Variants in RAB1A observed in about 807,000 individuals in gnomAD.
The protein encoded by RAB1A is ras-related protein Rab-1A.
In RAB1A, 2 loss-of-function variants were observed where a neutral mutation model predicts 26.0. The observed-to-expected ratio is 0.08, with a 90% CI of 0.03 to 0.24. RAB1A has a LOEUF of 0.24. RAB1A is among the 10% of genes least tolerant of loss of function. The pLI, the probability that RAB1A is intolerant of heterozygous loss-of-function variation, is 1.00. For missense variants in RAB1A, 100 were observed against 247.0 expected, an observed-to-expected ratio of 0.40 and a Z score of 3.99; for synonymous variants, 84 against 84.9, an observed-to-expected ratio of 0.99 and a Z score of 0.06.
chr2:65,089,450 A>C (rs2043233481), intron 4 of RAB1A, among the ~76,000 whole-genome samples: 1 of 152,048 alleles, frequency 6.6e-6, no homozygotes, highest in South Asian at 2.1e-4. Context: ...TCCTGAGCTC[A>C]ATCGGCCCAC....
chr2:65,116,595 G>A (rs1457564411), intron 1 of RAB1A, among the ~76,000 whole-genome samples: 1 of 152,182 alleles, frequency 6.6e-6, no homozygotes, highest in African/African-American at 2.4e-5. Flanking sequence ...AGTGGCCATT[G>A]TTATTTCTCC....
intron 1 of RAB1A, among the ~76,000 whole-genome samples, chr2:65,121,739 T>C (rs576493004): frequency 6.6e-6 from 1 of 152,258 alleles, no homozygotes; most frequent in East Asian, 1.9e-4. Flanking sequence ...CCACCTTCTA[T>C]AGGGAAACAA....
At chr2:65,120,359 G>C (rs1206076250) in intron 1 of RAB1A, among the ~76,000 whole-genome samples, 1 of 151,154 alleles carries the variant, frequency 6.6e-6, no homozygotes, top group Non-Finnish European at 1.5e-5. Flanking sequence ...CAGAGGCTGA[G>C]GCAGGAGAAT....
intron 1 of RAB1A, among the ~76,000 whole-genome samples, chr2:65,113,145 T>A (rs998303573): frequency 1.3e-5 from 2 of 152,182 alleles, no homozygotes; most frequent in African/African-American, 4.8e-5. Flanking sequence ...AATTGAACTA[T>A]ACATTCAATT....
intron 4 of RAB1A, among the ~76,000 whole-genome samples, chr2:65,089,759 A>G (rs1669126488): frequency 6.7e-6 from 1 of 148,760 alleles, no homozygotes; most frequent in Non-Finnish European, 1.5e-5. Context: ...CTGGAGTGCA[A>G]TGGCGCGATC....
At chr2:65,106,267 ATCGTTTTTG>A (rs1669556532) in intron 1 of RAB1A, 1 of 213,774 alleles carries the variant, frequency 4.7e-6, no homozygotes, top group Non-Finnish European at 9.7e-6. Context: ...GAATTTATAT[ATCGTTTTTG>A]TAGAAGATAT....
At chr2:65,104,713 G>C (rs780940918) in intron 2 of RAB1A, 21 bp downstream of exon 2, 14 of 1,507,418 alleles carry the variant, frequency 9.3e-6, no homozygotes, top group Non-Finnish European at 1.3e-5. Flanking sequence ...TAATTGTAAA[G>C]ACATTTCAAT....
At chr2:65,100,953 C>T (rs1378570449) in intron 2 of RAB1A, among the ~76,000 whole-genome samples, 1 of 151,920 alleles carries the variant, frequency 6.6e-6, no homozygotes, top group Non-Finnish European at 1.5e-5. Flanking sequence ...GGAGACCAGC[C>T]TGACCAACAT....
intron 1 of RAB1A, among the ~76,000 whole-genome samples, chr2:65,121,314 T>C (rs1558587836): frequency 6.6e-6 from 1 of 151,126 alleles, no homozygotes; most frequent in African/African-American, 2.4e-5. Flanking sequence ...TATTAAAAAG[T>C]GATGTTTCCA....
At chr2:65,098,145 T>C (rs1385624739) in intron 2 of RAB1A, 79 bp from the exon 3 acceptor site, 5 of 795,104 alleles carry the variant, frequency 6.3e-6, no homozygotes, top group African/African-American at 3.6e-5. Flanking sequence ...AAAAAAACTG[T>C]TGTTCAAGAG....
intron 1 of RAB1A, among the ~76,000 whole-genome samples, chr2:65,126,497 CA>C (rs1005366800): frequency 2.6e-5 from 4 of 151,892 alleles, no homozygotes; most frequent in African/African-American, 7.2e-5. Flanking sequence ...TTATGTAAAC[CA>C]ATATAAATCT....
intron 1 of RAB1A, among the ~76,000 whole-genome samples, chr2:65,115,671 C>CAATG (rs1669807361): frequency 6.6e-6 from 1 of 151,894 alleles, no homozygotes; most frequent in Admixed American, 6.6e-5. Flanking sequence ...TCTGAGAGGG[C>CAATG]AATGGTCTTT....
chr2:65,104,389 A>G (rs1669506195), intron 2 of RAB1A, among the ~76,000 whole-genome samples: 1 of 152,062 alleles, frequency 6.6e-6, no homozygotes, highest in Non-Finnish European at 1.5e-5. Context: ...TTATTCTACT[A>G]AAGTTTAATT....
intron 1 of RAB1A, among the ~76,000 whole-genome samples, chr2:65,112,147 A>AT (rs371108447): frequency 0.05 from 7,062 of 142,374 alleles, 178 homozygotes; most frequent in African/African-American, 0.064. Flanking sequence ...CTAGCTCATG[A>AT]TTTTTTTTTT....
In RAB1A at chr2:65,118,451, TAGAG is replaced by T. The variant is rs137999887; in HGVS notation, c.23+11438_23+11441del. ...CTCAACTCTTAATATACTCTGATGA[TAGAG>T]AAAGGCTATTTTCCTTTTTTGTTTG... On this transcript the variant is annotated intron_variant, in intron 1 of 5. Transcript: ENST00000409784. 4.7e-3 allele frequency among the ~76,000 whole-genome samples: 720 copies of T among 152,294 alleles called. 8 individuals are homozygous for T. The highest frequency in any genetic ancestry group is 0.017 in the African/African-American group (698 of 41,572).
chr2:65,099,830 T>C (rs1006780210), intron 2 of RAB1A, among the ~76,000 whole-genome samples: 2 of 152,150 alleles, frequency 1.3e-5, no homozygotes, highest in African/African-American at 2.4e-5. Flanking sequence ...TAGTAGCTAC[T>C]CTAAGGATAG....
intron 3 of RAB1A, among the ~76,000 whole-genome samples, chr2:65,096,021 C>T (rs181084212): frequency 9.8e-4 from 149 of 152,220 alleles, no homozygotes; most frequent in African/African-American, 3.4e-3. Flanking sequence ...GGTGTGGTGG[C>T]GCACGCCTGT....
chr2:65,118,554 T>G (rs1162957241), intron 1 of RAB1A, among the ~76,000 whole-genome samples: 1 of 152,188 alleles, frequency 6.6e-6, no homozygotes, highest in Non-Finnish European at 1.5e-5. Flanking sequence ...CTCGGCTCAC[T>G]GCAACCTCTG....
intron 2 of RAB1A, among the ~76,000 whole-genome samples, chr2:65,098,833 C>CTTTTTTT (rs1385281303): frequency 5.1e-5 from 2 of 39,548 alleles, no homozygotes; most frequent in East Asian, 5.8e-4. Context: ...TGTAACAGTA[C>CTTTTTTT]TTCTTTTTTT....
Sources: allele counts gnomAD v4.1 joint callset (sites outside exome capture counted in the v4.1 genomes callset), GRCh38; gene constraint gnomAD v4.1.1; transcripts MANE v1.5; gene names NCBI Gene and HGNC (gene_info 2026-07-23, HGNC 2026-07-21).